ST6GALNAC2: variants seen among roughly 807,000 people sequenced by gnomAD.
ST6GALNAC2 encodes the protein ST6 N-acetylgalactosaminide alpha-2,6-sialyltransferase 2.
ST6GALNAC2 carries 42 observed loss-of-function variants against 38.7 expected under a neutral mutation model. The observed-to-expected ratio is 1.09, with a 90% CI of 0.85 to 1.40. The LOEUF (loss-of-function observed/expected upper bound fraction) is 1.40, where lower values mean the gene tolerates loss of function less well. Ranked by LOEUF, ST6GALNAC2 falls within the 40% of genes most tolerant of loss-of-function variation. The pLI is 0.00. For missense variants in ST6GALNAC2, 506 were observed against 481.7 expected (o/e 1.05, Z -0.47); for synonymous variants, 233 against 209.0 (o/e 1.11, Z -0.99).
chr17:76,580,854 T>A (rs558024510), intron 1 of ST6GALNAC2: 1 of 152,268 alleles, frequency 6.6e-6, no homozygotes, highest in South Asian at 2.1e-4. Context: ...GTGTCCCTTC[T>A]AGAGGGCAGT....
In ST6GALNAC2 at chr17:76,573,312, A is replaced by T. The variant is rs2143301407; in HGVS notation, c.413T>A (p.Phe138Tyr). ...LLNGSESAKL[F>Y]APPRDTPPKC... ...TGGAGGGGTGTCCCTGGGCGGGGCA[A>T]ACAGCTTGGCACTCTCTGAGCCGTT... is the stretch of plus-strand genomic sequence containing the variant. The change falls in exon 4 of 9, where the codon TTT becomes TAT. Residue 138 changes from phenylalanine (F) to tyrosine (Y), a missense_variant. By Grantham distance (22) the Phe-to-Tyr change is conservative (BLOSUM62 3). Transcript: ENST00000225276. The surrounding 1 kb of genome is among the most constrained non-coding windows in gnomAD (Gnocchi z 5.1). The T allele has an allele frequency of 6.3e-7, 1 of 1,589,484 alleles. No homozygotes were observed. Among genetic ancestry groups the T allele is most frequent in the East Asian group, 2.3e-5 (1 of 44,034 alleles).
At chr17:76,582,351 TTGGTA>T (rs1480642945) in intron 1 of ST6GALNAC2, among the ~76,000 whole-genome samples, 14 of 148,128 alleles carry the variant, frequency 9.5e-5, no homozygotes, top group South Asian at 2.2e-4. Context: ...TTTTTTTTTT[TTGGTA>T]TTTTTAGTAG....
At chr17:76,584,242 G>GAGTGC (rs1322096942) in intron 1 of ST6GALNAC2, among the ~76,000 whole-genome samples, 1 of 147,402 alleles carries the variant, frequency 6.8e-6, no homozygotes, top group African/African-American at 2.5e-5. Flanking sequence ...GCCCAGGCTG[G>GAGTGC]AGTGCAGTGG....
intron 7 of ST6GALNAC2, 74 bp downstream of exon 7, chr17:76,568,639 G>A (rs569107675): frequency 2.0e-5 from 29 of 1,454,024 alleles, no homozygotes; most frequent in South Asian, 4.6e-5. Flanking sequence ...GTGCGAGGGC[G>A]CTGACTGGAT....
chr17:76,579,729 A>G (rs2075455283), intron 1 of ST6GALNAC2, among the ~76,000 whole-genome samples: 2 of 152,198 alleles, frequency 1.3e-5, no homozygotes, highest in Admixed American at 6.5e-5. Context: ...TCCTGATACA[A>G]GGATGAATCC....
Position 76,573,504 on chromosome 17 carries a change from A to T in ST6GALNAC2, c.362-141T>A. ...CAAGAAGCACAGAGGGTGGGAGGGG[A>T]AGGAGATGTCTGTGGGGGGAGAATT... On this transcript the variant is annotated intron_variant, in intron 3 of 8. Transcript: ENST00000225276. The surrounding 1 kb of genome is among the most constrained non-coding windows in gnomAD (Gnocchi z 5.1). The T allele has an allele frequency of 1.3e-6, 1 of 791,636 alleles. No homozygotes were observed. Among genetic ancestry groups the T allele is most frequent in the Non-Finnish European group, 1.8e-6 (1 of 541,060 alleles). The allele number at this position is 791,636 out of a possible 1,614,324, so 49.0% of individuals were successfully genotyped here.
At chr17:76,574,193 G>A (rs893801200) in intron 3 of ST6GALNAC2, among the ~76,000 whole-genome samples, 172 bp downstream of exon 3, 19 of 152,292 alleles carry the variant, frequency 1.2e-4, no homozygotes, top group African/African-American at 4.1e-4. Flanking sequence ...GTGCTTGGAC[G>A]GAGGAGGGAG....
intron 1 of ST6GALNAC2, among the ~76,000 whole-genome samples, chr17:76,583,384 A>AAAAAAAAAAAAG (rs1469333600): frequency 1.3e-5 from 2 of 151,190 alleles, no homozygotes; most frequent in East Asian, 3.9e-4. Flanking sequence ...CCAAAAAAAA[A>AAAAAAAAAAAAG]AAGAAGATAA....
chr17:76,568,022 G>A (rs575057964), intron 7 of ST6GALNAC2: 12 of 170,398 alleles, frequency 7.0e-5, no homozygotes, highest in South Asian at 6.5e-4. Flanking sequence ...CCGATCACCT[G>A]ACCTCTCAGA....
intron 1 of ST6GALNAC2, among the ~76,000 whole-genome samples, chr17:76,583,192 G>A (rs936494447): frequency 1.3e-5 from 2 of 151,944 alleles, no homozygotes; most frequent in Non-Finnish European, 1.5e-5. Flanking sequence ...TGGCTAACAC[G>A]GTGAAAACCT....
rs1183664953 is a variant in ST6GALNAC2, at chr17:76,585,846, C to T, written c.-38G>A. The T allele has an allele frequency of 1.3e-6, 2 of 1,514,340 alleles. No homozygotes were observed. Among genetic ancestry groups the T allele is most frequent in the Non-Finnish European group, 1.8e-6 (2 of 1,134,218 alleles). The allele number at this position is 1,514,340 out of a possible 1,614,324, so 93.8% of individuals were successfully genotyped here. A position where few individuals can be genotyped will look rare whatever the true frequency, so the allele number is the denominator to read the frequency against. On this transcript the variant is annotated 5_prime_UTR_variant, in exon 1 of 9. Coordinates refer to ENST00000225276, the MANE Select transcript of ST6GALNAC2 (RefSeq NM_006456.3). ...CGCGAGCGCCCCGTCCGCTGACGTCCCAGGCAGAAGGGAGAGAACCGGGTG... is the reference window on the plus strand; with the variant it reads ...CGCGAGCGCCCCGTCCGCTGACGTCTCAGGCAGAAGGGAGAGAACCGGGTG...
intron 3 of ST6GALNAC2, among the ~76,000 whole-genome samples, chr17:76,574,046 C>A (rs183809831): frequency 6.6e-6 from 1 of 152,136 alleles, no homozygotes; most frequent in African/African-American, 2.4e-5. Flanking sequence ...CAGCAGCAAC[C>A]GTGAGTGAGG....
chr17:76,569,521 GAA>G, intron 6 of ST6GALNAC2: 1 of 209,698 alleles, frequency 4.8e-6, no homozygotes, highest in Non-Finnish European at 8.9e-6. Flanking sequence ...GGGCCGGGAG[GAA>G]GAGCCCCGAG....
chr17:76,568,629 G>A (rs951421001), intron 7 of ST6GALNAC2, 84 bp downstream of exon 7: 129 of 1,357,028 alleles, frequency 9.5e-5, no homozygotes, highest in Non-Finnish European at 1.3e-4. Context: ...CGTGGGGCTC[G>A]TGCGAGGGCG....
At chr17:76,577,573 A>ATTTTTT in intron 2 of ST6GALNAC2, among the ~76,000 whole-genome samples, 1 of 117,106 alleles carries the variant, frequency 8.5e-6, no homozygotes. Context: ...TGGCCTCTGT[A>ATTTTTT]TTTTTTTTTT....
Position 76,573,212 on chromosome 17 carries a change from G to A in ST6GALNAC2, c.513C>T (p.Ala171=), listed in dbSNP as rs773607468. The part of the protein sequence containing the change: ...NGSRQGPNID[A]HDYVFRLNGA... The stretch of plus-strand genomic sequence containing the variant: ...CCTCATACCTGAATACATAGTCATG[G>A]GCATCGATGTTGGGACCCTGGCGGG... The change falls in exon 4 of 9, where the codon GCC becomes GCT. Residue 171 remains alanine (A), a synonymous_variant. Transcript: ENST00000225276. This position sits in a 1 kb window ranked among gnomAD's most constrained non-coding sequence, Gnocchi z 5.1. The A allele has an allele frequency of 1.2e-6, 2 of 1,613,130 alleles. No individual in the cohort carries two copies. Among genetic ancestry groups the A allele is most frequent in the Non-Finnish European group, 1.7e-6 (2 of 1,179,680 alleles).
chr17:76,566,699 T>TAAAA (rs55837742), intron 8 of ST6GALNAC2, among the ~76,000 whole-genome samples: 46 of 146,468 alleles, frequency 3.1e-4, no homozygotes, highest in South Asian at 6.4e-4. Flanking sequence ...CTACAAAAAG[T>TAAAA]AAAAAAAAAA....
rs1278155784 is a variant in ST6GALNAC2 at position 76,565,564 on chromosome 17, C to G, written c.*540G>C. On this transcript the variant is annotated 3_prime_UTR_variant, in exon 9 of 9. Transcript: ENST00000225276. ...ACAGCCTGCGTTTTATATGATTTCT[C>G]TACCCAGCCAAAAAAAAAAAAATGG... is the stretch of plus-strand genomic sequence containing the variant. The G allele has an allele frequency of 1.5e-5, 2 of 132,548 alleles. No homozygotes were observed. Among genetic ancestry groups the G allele is most frequent in the East Asian group, 2.1e-4 (1 of 4,856 alleles). 8.2% of individuals were successfully genotyped at this position (132,548 alleles called of 1,614,324 possible). A position where few individuals can be genotyped will look rare whatever the true frequency, so the allele number is the denominator to read the frequency against.
chr17:76,573,166 CG>C lies in ST6GALNAC2; in HGVS notation c.530+28del. 3.8e-6 allele frequency: 6 copies of C among 1,569,676 alleles called. No homozygotes were observed. Among genetic ancestry groups the C allele is most frequent in the Non-Finnish European group, 5.2e-6 (6 of 1,151,430 alleles). ...CCACCCTCCAGGCAACTCTCCCTCC[CG>C]CCCCTCCCCAGCTCCTACCCCTCAT... is the stretch of plus-strand genomic sequence containing the variant. On this transcript the variant is annotated intron_variant, in intron 4 of 8. Transcript: ENST00000225276. The surrounding 1 kb of genome is among the most constrained non-coding windows in gnomAD (Gnocchi z 5.1).
Sources: allele counts gnomAD v4.1 joint callset (sites outside exome capture counted in the v4.1 genomes callset), GRCh38; gene constraint gnomAD v4.1.1; non-coding constraint Gnocchi (gnomAD v3.1); transcripts MANE v1.5; gene names NCBI Gene and HGNC (gene_info 2026-07-23, HGNC 2026-07-21).